SYNJ2: variants seen among roughly 807,000 people sequenced by gnomAD.
SYNJ2 encodes polyphosphatidylinositol phosphatase SYNJ2.
SYNJ2 carries 116 observed loss-of-function variants against 141.3 expected under a neutral mutation model. The observed-to-expected ratio is 0.82, with a 90% CI of 0.71 to 0.96. The LOEUF (loss-of-function observed/expected upper bound fraction) is 0.96, where lower values mean the gene tolerates loss of function less well. SYNJ2 is among the 40% of genes least tolerant of loss of function. The probability of loss-of-function intolerance (pLI) is 0.00; values close to 1 mark genes in which losing one functional copy is unlikely to be tolerated. For synonymous variants in SYNJ2, 745 were observed against 777.7 expected, an observed-to-expected ratio of 0.96 and a Z score of 0.70; for missense variants, 1,873 against 1,934.8, an observed-to-expected ratio of 0.97 and a Z score of 0.60.
intron 16 of SYNJ2, among the ~76,000 whole-genome samples, chr6:158,076,188 G>C (rs907113733): frequency 6.6e-6 from 1 of 152,090 alleles, no homozygotes; most frequent in African/African-American, 2.4e-5. Context: ...ACCCCAGGGG[G>C]AGAGAGAGAG....
chr6:158,073,766 T>C (rs950380952), intron 15 of SYNJ2, among the ~76,000 whole-genome samples: 1 of 151,980 alleles, frequency 6.6e-6, no homozygotes, highest in Non-Finnish European at 1.5e-5. Context: ...ATTATTGTCA[T>C]GGGGGGAGTG....
intron 2 of SYNJ2, among the ~76,000 whole-genome samples, chr6:158,022,153 C>A (rs139389509): frequency 6.6e-6 from 1 of 152,304 alleles, no homozygotes; most frequent in Non-Finnish European, 1.5e-5. Context: ...GCCGAAGCTT[C>A]CCCCTTCACA....
chr6:158,061,650 A>G (rs1456450920), intron 7 of SYNJ2, among the ~76,000 whole-genome samples: 1 of 151,638 alleles, frequency 6.6e-6, no homozygotes, highest in African/African-American at 2.4e-5. Context: ...CACCTGGGCC[A>G]CCTGAAGAAC....
chr6:157,996,484 C>A (rs12192971), intron 1 of SYNJ2, among the ~76,000 whole-genome samples: 21 of 152,170 alleles, frequency 1.4e-4, no homozygotes, highest in Non-Finnish European at 2.8e-4. Flanking sequence ...TCATCTCCCA[C>A]CATTTCCTGG....
rs947759746 is a variant in SYNJ2 at position 158,040,181 on chromosome 6, T to G, written c.712-3135T>G. 1.3e-5 allele frequency among the ~76,000 whole-genome samples: 2 copies of G among 152,198 alleles called. No homozygotes were observed. The highest frequency in any genetic ancestry group is 2.9e-5 in the Non-Finnish European group (2 of 68,030). On this transcript the variant is annotated intron_variant, in intron 4 of 26. Coordinates refer to ENST00000355585, the MANE Select transcript of SYNJ2 (RefSeq NM_003898.4). This position sits in a 1 kb window ranked among gnomAD's most constrained non-coding sequence, Gnocchi z 4.2. The stretch of plus-strand genomic sequence containing the variant: ...AGGCTGTGTGTGTGTGTGCATGGGT[T>G]GTATGTGTACAGTGTGTGCGTGGTA...
At chr6:158,004,817 A>G (rs560434755) in intron 1 of SYNJ2, among the ~76,000 whole-genome samples, 63 of 151,986 alleles carry the variant, frequency 4.1e-4, no homozygotes, top group Middle Eastern at 3.4e-3. Context: ...CGGCAGTTGC[A>G]TGGTTCCTTG....
rs201993080 is a variant in SYNJ2 at position 158,066,555 on chromosome 6, G to A, written c.1637G>A (p.Arg546Gln). The change falls in exon 12 of 27, where the codon CGG becomes CAG. Residue 546 changes from arginine (R) to glutamine (Q), a missense_variant. Arg to Gln is a conservative substitution (Grantham distance 43). Transcript: ENST00000355585. ...TWNVNGGKQF[R>Q]SNVLRTAELT... ...AACGTGAACGGAGGAAAGCAGTTCC[G>A]GAGCAACGTGCTCAGGACGGCGGAG... 1.5e-4 allele frequency: 245 copies of A among 1,614,144 alleles called. No homozygotes were observed. Among genetic ancestry groups the A allele is most frequent in the Non-Finnish European group, 2.0e-4 (238 of 1,180,040 alleles).
At chr6:157,997,063 C>T (rs1160371189) in intron 1 of SYNJ2, among the ~76,000 whole-genome samples, 2 of 137,004 alleles carry the variant, frequency 1.5e-5, no homozygotes, top group Non-Finnish European at 3.1e-5. Context: ...GCAGTAAGAC[C>T]TTCCTGACCT....
Position 158,096,762 on chromosome 6 carries a change from AT to A in SYNJ2, c.*402del, listed in dbSNP as rs1317616429. ...TTGCATTTTACAGATTTGGTATAAC[AT>A]TTTGGGGAGCCACCTGAAGGTTGAT... On this transcript the variant is annotated 3_prime_UTR_variant, in exon 27 of 27. Transcript: ENST00000355585. 1.2e-5 allele frequency: 2 copies of A among 161,500 alleles called. No homozygotes were observed. The highest frequency in any genetic ancestry group is 4.8e-5 in the African/African-American group (2 of 41,534). The allele number at this position is 161,500 out of a possible 1,614,324, so 10.0% of individuals were successfully genotyped here.
intron 1 of SYNJ2, among the ~76,000 whole-genome samples, chr6:157,992,780 T>G (rs146690723): frequency 9.1e-4 from 139 of 152,336 alleles, no homozygotes; most frequent in African/African-American, 3.3e-3. Context: ...GATCTCATTC[T>G]TTTTTATGGA....
At chr6:158,064,805 T>G (rs750066798) in intron 10 of SYNJ2, 21 bp from the exon 11 acceptor site, 1 of 1,610,406 alleles carries the variant, frequency 6.2e-7, no homozygotes, top group South Asian at 1.1e-5. Flanking sequence ...CCTCACGGCC[T>G]GCGGTCTGGG....
rs949883711 is a variant in SYNJ2 at position 157,982,635 on chromosome 6, C to G, written c.127+547C>G. Among the ~76,000 whole-genome samples, 2 of 152,180 alleles carry G rather than the reference C, an allele frequency of 1.3e-5. No individual in the cohort carries two copies. The highest frequency in any genetic ancestry group is 1.3e-4 in the Admixed American group (2 of 15,282). ...GAACTTGTAAACAAATATACCATGA[C>G]CTTTATGCTGTCTTAGATCCTGCCA... On this transcript the variant is annotated intron_variant, in intron 1 of 26. Transcript: ENST00000355585. The surrounding 1 kb of genome is among the most constrained non-coding windows in gnomAD (Gnocchi z 4.0).
intron 9 of SYNJ2, 92 bp from the exon 10 acceptor site, chr6:158,064,509 C>A: frequency 6.6e-7 from 1 of 1,507,100 alleles, no homozygotes; most frequent in Non-Finnish European, 9.1e-7. Flanking sequence ...ACAGCGTAAT[C>A]CACAGGCTGC....
intron 16 of SYNJ2, among the ~76,000 whole-genome samples, chr6:158,075,774 A>G (rs1471752611): frequency 6.6e-6 from 1 of 152,120 alleles, no homozygotes; most frequent in East Asian, 1.9e-4. Flanking sequence ...TGCCACATGG[A>G]CGAGTGACCA....
At chr6:158,074,772 T>C (rs1452550024) in intron 16 of SYNJ2, 34 bp downstream of exon 16, 1 of 1,606,026 alleles carries the variant, frequency 6.2e-7, no homozygotes, top group African/African-American at 1.3e-5. Context: ...TTTTAGCAGC[T>C]GCTCCAAGAT....
chr6:158,073,527 G>A (rs1366490332), intron 15 of SYNJ2, among the ~76,000 whole-genome samples: 3 of 152,160 alleles, frequency 2.0e-5, no homozygotes, highest in Non-Finnish European at 4.4e-5. Flanking sequence ...GTCTGATACC[G>A]TAGTCACTGG....
chr6:158,035,424 ATTC>A (rs1410762434), intron 4 of SYNJ2, among the ~76,000 whole-genome samples: 1 of 152,134 alleles, frequency 6.6e-6, no homozygotes, highest in Non-Finnish European at 1.5e-5. Flanking sequence ...TAGGTATTTT[ATTC>A]TTCTCACAGC....
intron 18 of SYNJ2, chr6:158,078,569 T>C: frequency 4.1e-6 from 1 of 244,000 alleles, no homozygotes; most frequent in Non-Finnish European, 8.0e-6. Context: ...TATATTTTCT[T>C]AAATGATGTC....
rs141249286 is a variant in SYNJ2 at position 158,063,870 on chromosome 6, G to A, written c.1207G>A (p.Glu403Lys). The A allele has an allele frequency of 1.6e-4, 256 of 1,613,218 alleles. No homozygotes were observed. Among genetic ancestry groups the A allele is most frequent in the Non-Finnish European group, 2.0e-4 (238 of 1,179,670 alleles). Residue 403 changes from glutamate (E) to lysine (K), a missense_variant and splice_region_variant, in exon 9 of 27, where the codon GAG (glutamate) becomes AAG (lysine). Physicochemically the swap from Glu to Lys is moderately conservative, Grantham distance 56 (BLOSUM62 1). Transcript: ENST00000355585. ...TNTVQSFIALEVLHLQLKTLG... is the reference protein window; with the variant it reads ...TNTVQSFIALKVLHLQLKTLG... ...CACTGTGCAGAGCTTCATCGCGCTCGAGGTGCGTCCCTGCCACAGCCTTTT... is the reference window on the plus strand; with the variant it reads ...CACTGTGCAGAGCTTCATCGCGCTCAAGGTGCGTCCCTGCCACAGCCTTTT...
Sources: allele counts gnomAD v4.1 joint callset (sites outside exome capture counted in the v4.1 genomes callset), GRCh38; gene constraint gnomAD v4.1.1; non-coding constraint Gnocchi (gnomAD v3.1); transcripts MANE v1.5; gene names NCBI Gene and HGNC (gene_info 2026-07-23, HGNC 2026-07-21).